Variants in SMARCC1 observed in about 807,000 individuals in gnomAD.
SMARCC1 encodes SWI/SNF related BAF chromatin remodeling complex subunit C1, also known as SWI/SNF complex subunit SMARCC1.
Under a neutral mutation model 147.4 loss-of-function variants are expected in SMARCC1, and 43 were observed. The observed-to-expected ratio is 0.29, with a 90% CI of 0.23 to 0.38. The LOEUF is 0.38. SMARCC1 is among the 10% of genes least tolerant of loss of function. SMARCC1 has a pLI of 1.00. For synonymous variants in SMARCC1, 495 were observed against 484.4 expected (o/e 1.02, Z -0.29); for missense variants, 1,119 against 1,381.1 (o/e 0.81, Z 3.01).
Position 47,781,631 on chromosome 3 carries a change from C to G in SMARCC1, c.167G>C (p.Arg56Pro), listed in dbSNP as rs765257557. 6.4e-7 allele frequency: 1 copy of G among 1,555,054 alleles called. No homozygotes were observed. The highest frequency in any genetic ancestry group is 8.7e-7 in the Non-Finnish European group (1 of 1,154,914). ...PETVSQLDSV[R>P]VWLGKHYKKY... ...CTTGTAGTGCTTGCCCAGCCAGACC[C>G]GCACCGAATCCAGCTGGGACACCGT... The change falls in exon 1 of 28, where the codon CGG (arginine) becomes CCG (proline). Residue 56 changes from arginine to proline, a missense_variant. Physicochemically the swap from Arg to Pro is moderately radical, Grantham distance 103. Around this residue, in one of 6 missense-constraint regions of SMARCC1, gnomAD observed 542 missense variants for 611.8 expected, o/e 0.89. Coordinates refer to ENST00000254480, the MANE Select transcript of SMARCC1 (RefSeq NM_003074.4).
intron 2 of SMARCC1, among the ~76,000 whole-genome samples, chr3:47,755,166 G>T (rs2034680684): frequency 6.6e-6 from 1 of 152,054 alleles, no homozygotes; most frequent in Non-Finnish European, 1.5e-5. Context: ...AGCCAAGATC[G>T]CACCACTGCA....
Position 47,781,825 on chromosome 3 carries a change from G to A in SMARCC1, c.-28C>T. ...TCGCAGCCCGTCGTCCCCACAGCCT[G>A]GCCCACCCCGGCCCTCGCGGTGTTT... On this transcript the variant is annotated 5_prime_UTR_variant, in exon 1 of 28. Transcript: ENST00000254480. 1.1e-5 allele frequency: 15 copies of A among 1,308,352 alleles called. No individual in the cohort carries two copies. Among genetic ancestry groups the A allele is most frequent in the Non-Finnish European group, 1.5e-5 (15 of 1,026,428 alleles). The allele number at this position is 1,308,352 out of a possible 1,614,324, so 81.0% of individuals were successfully genotyped here.
chr3:47,621,102 C>A (rs2032724172), intron 25 of SMARCC1, among the ~76,000 whole-genome samples: 1 of 152,054 alleles, frequency 6.6e-6, no homozygotes, highest in African/African-American at 2.4e-5. Context: ...GAGATAGGGA[C>A]CATCCTGGCC....
At chr3:47,700,530 T>C (rs1179421752) in intron 11 of SMARCC1, among the ~76,000 whole-genome samples, 1 of 152,168 alleles carries the variant, frequency 6.6e-6, no homozygotes, top group East Asian at 1.9e-4. Context: ...TTTTTGTTTT[T>C]GTTTTTGAGA....
chr3:47,613,183 G>C (rs1200930625), intron 25 of SMARCC1, among the ~76,000 whole-genome samples: 1 of 152,078 alleles, frequency 6.6e-6, no homozygotes, highest in Non-Finnish European at 1.5e-5. Context: ...TGGTCATCAA[G>C]GCATTCTTTT....
intron 3 of SMARCC1, among the ~76,000 whole-genome samples, chr3:47,741,167 C>T (rs373066540): frequency 6.6e-5 from 10 of 151,764 alleles, no homozygotes; most frequent in East Asian, 1.9e-4. Context: ...GACAATCCTA[C>T]GAGACAACTG....
At chr3:47,648,829 A>G (rs1192358332) in intron 21 of SMARCC1, among the ~76,000 whole-genome samples, 1 of 152,192 alleles carries the variant, frequency 6.6e-6, no homozygotes, top group Admixed American at 6.5e-5. Flanking sequence ...AAATAGCTTC[A>G]ATTAGTAGAG....
At position 47,622,224 on chromosome 3, in the gene SMARCC1, C is replaced by G; in HGVS notation, c.2764G>C (p.Asp922His). 6.2e-7 allele frequency: 1 copy of G among 1,605,660 alleles called. No individual in the cohort carries two copies. The highest frequency in any genetic ancestry group is 2.2e-5 in the East Asian group (1 of 44,804). ...RHFEELETIM[D>H]REKEALEQQR... ...ATACTTACAGCTTCTTTCTCTCTGT[C>G]CATGATAGTTTCCAGCTCTTCAAAA... Residue 922 changes from aspartate (D) to histidine (H), a missense_variant, in exon 25 of 28, where the codon GAC becomes CAC. Physicochemically the swap from Asp to His is moderately conservative, Grantham distance 81. Coordinates refer to ENST00000254480, the MANE Select transcript of SMARCC1 (RefSeq NM_003074.4).
chr3:47,766,329 G>T (rs944059542), intron 2 of SMARCC1, among the ~76,000 whole-genome samples: 9 of 151,870 alleles, frequency 5.9e-5, no homozygotes, highest in Admixed American at 3.3e-4. Context: ...ACTTTGGGGG[G>T]CCAAGGCGGA....
rs1283007044 is a variant in SMARCC1, at chr3:47,588,225, G to A, written c.3302C>T (p.Ala1101Val). The A allele has an allele frequency of 3.1e-6, 5 of 1,613,774 alleles. No individual in the cohort carries two copies. Among genetic ancestry groups the A allele is most frequent in the East Asian group, 2.2e-5 (1 of 44,868 alleles). The change falls in exon 28 of 28, where the codon GCC (alanine) becomes GTC (valine). Residue 1101 changes from alanine to valine, a missense_variant. By Grantham distance (64) the Ala-to-Val change is moderately conservative. Transcript: ENST00000254480. ...TCTTCCAGGCTAAGGAGCAGCTGAG[G>A]CTGGCGGGCCAGGAGCAGGAGGCGG... ...VPPPPAPGPP[A>V]SAAP
chr3:47,682,277 A>T (rs1293195328), intron 14 of SMARCC1, among the ~76,000 whole-genome samples: 1 of 148,840 alleles, frequency 6.7e-6, no homozygotes, highest in Non-Finnish European at 1.5e-5. Context: ...CCTGGGGGAC[A>T]GAGCAAGACT....
chr3:47,588,060 G>GT lies in SMARCC1; in HGVS notation c.*148dup. ...ACAAAAAGTGTCAGAGAGAGGGGTG[G>GT]TAAGAGGAGTGGGGAGGCACGGGAC... On this transcript the variant is annotated 3_prime_UTR_variant, in exon 28 of 28. Coordinates refer to ENST00000254480, the MANE Select transcript of SMARCC1 (RefSeq NM_003074.4). 1 of 624,792 alleles carries GT rather than the reference G, an allele frequency of 1.6e-6. No individual in the cohort carries two copies. Among genetic ancestry groups the GT allele is most frequent in the South Asian group, 1.9e-5 (1 of 51,850 alleles). 38.7% of individuals were successfully genotyped at this position (624,792 alleles called of 1,614,324 possible). A position where few individuals can be genotyped will look rare whatever the true frequency, so the allele number is the denominator to read the frequency against.
intron 6 of SMARCC1, among the ~76,000 whole-genome samples, chr3:47,725,434 G>A (rs1452397138): frequency 6.6e-6 from 1 of 151,844 alleles, no homozygotes; most frequent in African/African-American, 2.4e-5. Flanking sequence ...TTTCAATTGT[G>A]CACTTTATTA....
At chr3:47,751,525 A>G (rs957252205) in intron 2 of SMARCC1, among the ~76,000 whole-genome samples, 3 of 151,386 alleles carry the variant, frequency 2.0e-5, no homozygotes, top group African/African-American at 7.3e-5. Flanking sequence ...TGGGCAACAG[A>G]GCAAGACTCT....
intron 25 of SMARCC1, 35 bp from the exon 26 acceptor site, chr3:47,610,362 A>G (rs767060667): frequency 1.2e-6 from 2 of 1,612,858 alleles, no homozygotes; most frequent in South Asian, 1.1e-5. Flanking sequence ...AAATGACACC[A>G]GAAGAGGCTT....
intron 16 of SMARCC1, among the ~76,000 whole-genome samples, chr3:47,677,226 A>G (rs976984949): frequency 2.0e-5 from 3 of 151,982 alleles, no homozygotes; most frequent in Admixed American, 6.6e-5. Flanking sequence ...CAGCCTCCCA[A>G]GTAGCTGGGA....
At chr3:47,668,003 C>T (rs1293713751) in intron 19 of SMARCC1, among the ~76,000 whole-genome samples, 1 of 152,020 alleles carries the variant, frequency 6.6e-6, no homozygotes, top group Admixed American at 6.6e-5. Flanking sequence ...ATAGCAAAAC[C>T]CTGCCTCTAT....
chr3:47,776,924 G>A (rs550134492), intron 1 of SMARCC1, among the ~76,000 whole-genome samples: 4 of 151,920 alleles, frequency 2.6e-5, no homozygotes, highest in Admixed American at 1.3e-4. Flanking sequence ...ACAGGCATGC[G>A]TCACCACATC....
chr3:47,750,989 C>T (rs1409123173), intron 2 of SMARCC1, among the ~76,000 whole-genome samples: 5 of 151,912 alleles, frequency 3.3e-5, no homozygotes, highest in Non-Finnish European at 7.4e-5. Flanking sequence ...CCTCTGCCTC[C>T]CGGGTTCAAG....
Sources: allele counts gnomAD v4.1 joint callset (sites outside exome capture counted in the v4.1 genomes callset), GRCh38; gene constraint gnomAD v4.1.1; regional missense constraint gnomAD v4.1.1; transcripts MANE v1.5; gene names NCBI Gene and HGNC (gene_info 2026-07-23, HGNC 2026-07-21).